CNTNAP2: variants seen among roughly 807,000 people sequenced by gnomAD.
CNTNAP2 encodes contactin associated protein 2, also known as contactin-associated protein-like 2.
A neutral mutation model predicts 155.2 loss-of-function variants in CNTNAP2; 98 were observed. The observed-to-expected ratio is 0.63, with a 90% CI of 0.54 to 0.75. CNTNAP2 has a LOEUF of 0.75. Ranked by LOEUF, CNTNAP2 falls within the 30% of genes least tolerant of loss-of-function variation. The probability of loss-of-function intolerance (pLI) is 0.00; values close to 1 mark genes in which losing one functional copy is unlikely to be tolerated. For synonymous variants in CNTNAP2, 651 were observed against 631.2 expected (o/e 1.03, Z -0.47); for missense variants, 1,727 against 1,688.1 (o/e 1.02, Z -0.40).
At chr7:148,141,047 G>GGC (rs1404680514) in intron 16 of CNTNAP2, among the ~76,000 whole-genome samples, 1 of 152,140 alleles carries the variant, frequency 6.6e-6, no homozygotes, top group Admixed American at 6.5e-5. Context: ...AGAATCACCT[G>GGC]GCATTAACAA....
At position 146,893,436 on chromosome 7, in the gene CNTNAP2, T is replaced by C. The variant is rs529363500; in HGVS notation, c.402+53532T>C. ...ACATATATGTATATATACATATGTG[T>C]GTGTATGTATATATGTGTGTGTGTA... On this transcript the variant is annotated intron_variant, in intron 3 of 23. Transcript: ENST00000361727. Among the ~76,000 whole-genome samples the C allele has an allele frequency of 2.0e-5, 3 of 149,778 alleles. No homozygotes were observed. In the South Asian group the frequency reaches 6.3e-4, roughly 32 times the overall value.
At chr7:146,947,051 G>A (rs1292432036) in intron 3 of CNTNAP2, among the ~76,000 whole-genome samples, 2 of 151,472 alleles carry the variant, frequency 1.3e-5, no homozygotes, top group South Asian at 2.1e-4. Flanking sequence ...TTATTTTTGA[G>A]ATGGAGTTTC....
At chr7:148,145,941 T>C (rs536737760) in intron 16 of CNTNAP2, among the ~76,000 whole-genome samples, 152 of 152,322 alleles carry the variant, frequency 1.0e-3, no homozygotes, top group South Asian at 1.9e-3. Context: ...AGGATCAAAA[T>C]TCCTTGGTAC....
intron 3 of CNTNAP2, among the ~76,000 whole-genome samples, chr7:146,989,172 G>A (rs979731567): frequency 2.0e-5 from 3 of 152,042 alleles, no homozygotes; most frequent in Non-Finnish European, 4.4e-5. Context: ...GAGCATGTAG[G>A]GGTGCTCTTG....
At chr7:146,870,859 A>G (rs1331840953) in intron 3 of CNTNAP2, among the ~76,000 whole-genome samples, 1 of 152,164 alleles carries the variant, frequency 6.6e-6, no homozygotes, top group Non-Finnish European at 1.5e-5. Context: ...TTTCTAAACA[A>G]TTTAAATGAA....
intron 22 of CNTNAP2, among the ~76,000 whole-genome samples, chr7:148,401,125 T>C (rs1401812548): frequency 6.6e-6 from 1 of 152,198 alleles, no homozygotes; most frequent in Non-Finnish European, 1.5e-5. Context: ...GGGGAACCCG[T>C]GGATGTGGAG....
intron 14 of CNTNAP2, among the ~76,000 whole-genome samples, chr7:147,964,450 T>G (rs1469080315): frequency 6.6e-6 from 1 of 152,174 alleles, no homozygotes; most frequent in African/African-American, 2.4e-5. Context: ...TTTCCTTTCC[T>G]ATTTTCAGAT....
At chr7:147,299,761 C>T (rs1584855972) in intron 8 of CNTNAP2, among the ~76,000 whole-genome samples, 1 of 152,156 alleles carries the variant, frequency 6.6e-6, no homozygotes, top group African/African-American at 2.4e-5. Flanking sequence ...TCATAATTCA[C>T]TAAGTTAAAA....
At chr7:148,058,547 T>C (rs1803067157) in intron 15 of CNTNAP2, among the ~76,000 whole-genome samples, 1 of 152,084 alleles carries the variant, frequency 6.6e-6, no homozygotes, top group Admixed American at 6.5e-5. Context: ...GTTTTACACC[T>C]ACCATCCTCT....
chr7:146,205,861 TAGAC>T (rs1285794038), intron 1 of CNTNAP2, among the ~76,000 whole-genome samples: 2 of 151,952 alleles, frequency 1.3e-5, no homozygotes, highest in East Asian at 1.9e-4. Context: ...TACAGAGTCA[TAGAC>T]AGAAGTTTTA....
At chr7:147,515,540 C>T (rs1799109334) in intron 11 of CNTNAP2, among the ~76,000 whole-genome samples, 1 of 151,978 alleles carries the variant, frequency 6.6e-6, no homozygotes, top group African/African-American at 2.4e-5. Flanking sequence ...CCAGGATGGT[C>T]TCGATCTCTT....
intron 13 of CNTNAP2, among the ~76,000 whole-genome samples, chr7:147,888,376 A>C (rs1000889937): frequency 1.3e-5 from 2 of 152,206 alleles, no homozygotes; most frequent in Admixed American, 6.5e-5. Context: ...AATGAAATTA[A>C]AAATAGATTC....
At chr7:147,906,061 A>G (rs1799951846) in intron 14 of CNTNAP2, among the ~76,000 whole-genome samples, 1 of 152,170 alleles carries the variant, frequency 6.6e-6, no homozygotes, top group Non-Finnish European at 1.5e-5. Flanking sequence ...GGTCTTGGAG[A>G]AGAAGCATGA....
At chr7:146,629,021 CTTTA>C (rs997750213) in intron 1 of CNTNAP2, among the ~76,000 whole-genome samples, 2 of 152,116 alleles carry the variant, frequency 1.3e-5, no homozygotes, top group African/African-American at 4.8e-5. Context: ...CCAAAATAAT[CTTTA>C]TTTATGATAA....
At chr7:147,083,546 A>G (rs369256512) in intron 4 of CNTNAP2, among the ~76,000 whole-genome samples, 21 of 128,576 alleles carry the variant, frequency 1.6e-4, no homozygotes, top group South Asian at 2.3e-4. Context: ...ACATATATAT[A>G]TATGTATATA....
chr7:147,609,660 G>A (rs569359511), intron 12 of CNTNAP2, among the ~76,000 whole-genome samples: 1 of 152,182 alleles, frequency 6.6e-6, no homozygotes, highest in African/African-American at 2.4e-5. Flanking sequence ...GGTGATGTAG[G>A]GGTGGGAAGA....
At chr7:146,970,155 G>T (rs1167878910) in intron 3 of CNTNAP2, among the ~76,000 whole-genome samples, 3 of 152,108 alleles carry the variant, frequency 2.0e-5, no homozygotes, top group Admixed American at 2.0e-4. Flanking sequence ...CATGGGCAAG[G>T]ACTTCATGTC....
At chr7:146,940,727 G>GTA (rs144218293) in intron 3 of CNTNAP2, among the ~76,000 whole-genome samples, 4,287 of 151,154 alleles carry the variant, frequency 0.028, 67 homozygotes, top group African/African-American at 0.043. Flanking sequence ...AATATGGTGT[G>GTA]TATATATATA....
intron 10 of CNTNAP2, among the ~76,000 whole-genome samples, chr7:147,407,169 G>A (rs1220072534): frequency 6.6e-6 from 1 of 152,078 alleles, no homozygotes; most frequent in Non-Finnish European, 1.5e-5. Flanking sequence ...TCCTAAGTTA[G>A]AAATACCATA....
Sources: gnomAD v4.1 joint callset for allele counts (sites outside exome capture counted in the v4.1 genomes callset) on GRCh38, gnomAD v4.1.1 for gene constraint, MANE v1.5 for transcripts, NCBI Gene and HGNC (gene_info 2026-07-23, HGNC 2026-07-21) for gene names.